The following HEATR4 variants were observed in gnomAD, a reference collection of about 807,000 sequenced individuals.
HEATR4 encodes the protein HEAT repeat containing 4, also known as HEAT repeat-containing protein 4.
A neutral mutation model predicts 108.8 loss-of-function variants in HEATR4; 95 were observed. That is an observed-to-expected ratio of 0.87 (90% CI 0.74 to 1.04). The LOEUF (loss-of-function observed/expected upper bound fraction) is 1.04, where lower values mean the gene tolerates loss of function less well. Among genes scored for constraint, HEATR4 ranks in the 50% least tolerant of loss-of-function variants. The pLI, the probability that HEATR4 is intolerant of heterozygous loss-of-function variation, is 0.00. For missense variants in HEATR4, 1,152 were observed against 1,253.8 expected (o/e 0.92, Z 1.23); for synonymous variants, 443 against 459.4 (o/e 0.96, Z 0.46).
chr14:73,557,872 T>TC lies in HEATR4; in HGVS notation c.-152+878_-152+879insG, dbSNP rs200227124. On this transcript the variant is annotated intron_variant, in intron 1 of 17. Transcript: ENST00000553558. ...GCCTGGCTAATGTTTTAAAACTTTT[T>TC]TTTGTAGAGACAGGGTCTTACTATG... Among the ~76,000 whole-genome samples, 60 of 92,626 alleles carry TC rather than the reference T, an allele frequency of 6.5e-4. 8 individuals carry two copies. The South Asian group carries it at 7.9e-3, about 12-fold the overall frequency. The allele number at this position is 92,626 out of a possible 152,430, so 60.8% of individuals were successfully genotyped here. A position where few individuals can be genotyped will look rare whatever the true frequency, so the allele number is the denominator to read the frequency against.
chr14:73,489,044 A>G (rs898636301), intron 17 of HEATR4, among the ~76,000 whole-genome samples: 1 of 152,154 alleles, frequency 6.6e-6, no homozygotes, highest in African/African-American at 2.4e-5. Flanking sequence ...AAATAAAAAT[A>G]AAAAATAAAG....
At chr14:73,593,915 T>C in the HEATR4 span, 101 of 1,600,490 alleles carry the variant, frequency 6.3e-5, 1 homozygote, top group Middle Eastern at 6.6e-4. Context: ...GTTCTCCTCA[T>C]GTCCTTTATT....
rs376354630 is a variant in HEATR4, at chr14:73,478,554, A to G, written c.*52T>C. 1.3e-5 allele frequency: 16 copies of G among 1,208,936 alleles called. No individual in the cohort carries two copies. Among genetic ancestry groups the G allele is most frequent in the African/African-American group, 1.1e-4 (7 of 65,964 alleles). 74.9% of individuals were successfully genotyped at this position (1,208,936 alleles called of 1,614,324 possible). On this transcript the variant is annotated 3_prime_UTR_variant, in exon 18 of 18. Transcript: ENST00000553558. ...GTACAGTATCAATTAAAAAGACCCA[A>G]TGTGACCAGGTCCACTGCTTCCTGC...
At chr14:73,583,274 G>A in the HEATR4 span, among the ~76,000 whole-genome samples, 2 of 151,540 alleles carry the variant, frequency 1.3e-5, no homozygotes, top group African/African-American at 2.4e-5. Context: ...ACTTGAACCC[G>A]GGAGGCAGAG....
At chr14:73,612,974 C>T in the HEATR4 span, 2 of 1,146,724 alleles carry the variant, frequency 1.7e-6, no homozygotes, top group Non-Finnish European at 2.3e-6. Context: ...GCCGGGGGTG[C>T]GGCGCGAGCC....
At chr14:73,589,755 C>A in the HEATR4 span, among the ~76,000 whole-genome samples, 1 of 152,162 alleles carries the variant, frequency 6.6e-6, no homozygotes, top group African/African-American at 2.4e-5. Context: ...AAGCCACAGA[C>A]CCTCGCGGAG....
intron 1 of HEATR4, among the ~76,000 whole-genome samples, chr14:73,540,211 A>T (rs1409564431): frequency 1.3e-5 from 2 of 150,910 alleles, no homozygotes; most frequent in African/African-American, 4.8e-5. Context: ...TAAATATGTT[A>T]TTCTACTTGT....
the HEATR4 span, among the ~76,000 whole-genome samples, chr14:73,623,884 C>T: frequency 1.3e-5 from 2 of 151,992 alleles, no homozygotes; most frequent in African/African-American, 4.8e-5. Context: ...GATCTGCACA[C>T]GCTAGGCCTC....
chr14:73,506,804 G>GTTTTTTTTGTTTTTTTTTTTT, intron 9 of HEATR4, among the ~76,000 whole-genome samples: 1 of 80,522 alleles, frequency 1.2e-5, no homozygotes, highest in East Asian at 5.8e-4. Context: ...GACTTTAACT[G>GTTTTTTTTGTTTTTTTTTTTT]TTTTTTTTTT....
intron 4 of HEATR4, 118 bp from the exon 5 acceptor site, chr14:73,519,281 A>T: frequency 1.1e-6 from 1 of 948,858 alleles, no homozygotes; most frequent in Non-Finnish European, 1.6e-6. Flanking sequence ...AGCCCCTAGG[A>T]TCCATGACTG....
Position 73,519,003 on chromosome 14 carries a change from C to T in HEATR4, c.1210+20G>A. ...ATTCCCGTTATTAACCCCTGCCTTC[C>T]CTGTTAGCTTCCTGCTTACATGCTT... On this transcript the variant is annotated intron_variant, in intron 5 of 17. Transcript: ENST00000553558. 1 of 1,603,378 alleles carries T rather than the reference C, an allele frequency of 6.2e-7. No homozygotes were observed. The highest frequency in any genetic ancestry group is 1.3e-5 in the African/African-American group (1 of 74,684).
chr14:73,522,652 A>G lies in HEATR4; in HGVS notation c.501T>C (p.His167=), dbSNP rs374028133. 3 of 1,614,050 alleles carry G rather than the reference A, an allele frequency of 1.9e-6. No homozygotes were observed. Among genetic ancestry groups the G allele is most frequent in the Non-Finnish European group, 2.5e-6 (3 of 1,180,016 alleles). Reference sequence around the variant, plus strand: ...CCAGCATATCTGGATGCATGCAGGGATGATGGATGAGAGGGCGGGGTGCTT... The same window carrying G: ...CCAGCATATCTGGATGCATGCAGGGGTGATGGATGAGAGGGCGGGGTGCTT... ...VREAPRPLIH[H]PCMHPDMLGR... Residue 167 remains histidine (H), a synonymous_variant, in exon 3 of 18, where the codon CAT becomes CAC. Transcript: ENST00000553558.
chr14:73,525,946 C>T (rs1888304889), intron 2 of HEATR4, among the ~76,000 whole-genome samples: 1 of 89,820 alleles, frequency 1.1e-5, no homozygotes, highest in Non-Finnish European at 2.4e-5. Flanking sequence ...GAGTGAGACT[C>T]CTTATTTAAA....
At chr14:73,508,408 G>T in intron 8 of HEATR4, 114 bp from the exon 9 acceptor site, 1 of 811,108 alleles carries the variant, frequency 1.2e-6, no homozygotes, top group Non-Finnish European at 2.0e-6. Context: ...ACTTCCTTGT[G>T]CCCCACTCAG....
chr14:73,506,406 A>T (rs1408164502), intron 10 of HEATR4, 61 bp downstream of exon 10: 1 of 1,165,954 alleles, frequency 8.6e-7, no homozygotes, highest in Non-Finnish European at 1.3e-6. Context: ...AAAAAGTAGA[A>T]GGCCTCTGTA....
chr14:73,498,966 C>T (rs1480215886), intron 13 of HEATR4, 105 bp downstream of exon 13: 20 of 923,572 alleles, frequency 2.2e-5, no homozygotes, highest in East Asian at 4.8e-5. Context: ...AAGATCATTA[C>T]CTCTCCTGCA....
the HEATR4 span, among the ~76,000 whole-genome samples, chr14:73,594,158 TCTA>T: frequency 2.6e-3 from 398 of 152,356 alleles, 8 homozygotes; most frequent in South Asian, 0.042. Flanking sequence ...GAATTTCTAA[TCTA>T]CTGTCTTTGC....
the HEATR4 span, chr14:73,595,608 G>T: frequency 6.4e-7 from 1 of 1,558,656 alleles, no homozygotes; most frequent in Non-Finnish European, 8.7e-7. Flanking sequence ...GCCTTCTTCT[G>T]CAAACACCTG....
Position 73,512,169 on chromosome 14 carries a change from A to G in HEATR4, c.1415-20T>C. 3 of 1,613,826 alleles carry G rather than the reference A, an allele frequency of 1.9e-6. No individual in the cohort carries two copies. The highest frequency in any genetic ancestry group is 2.5e-6 in the Non-Finnish European group (3 of 1,179,828). On this transcript the variant is annotated intron_variant, in intron 6 of 17. Transcript: ENST00000553558. ...CTATGACTGAGCCGCAGTGAGGGAA[A>G]TGAAAAGAGAACCACCTGGTTAGGG...
Sources: gnomAD v4.1 joint callset for allele counts (sites outside exome capture counted in the v4.1 genomes callset) on GRCh38, gnomAD v4.1.1 for gene constraint, MANE v1.5 for transcripts, NCBI Gene and HGNC (gene_info 2026-07-23, HGNC 2026-07-21) for gene names.